Variants in LZTS1 observed in about 807,000 individuals in gnomAD.
LZTS1 encodes the protein leucine zipper tumor suppressor 1.
LZTS1 carries 31 observed loss-of-function variants against 45.8 expected under a neutral mutation model. The ratio of observed to expected loss-of-function variants is 0.68; its 90% confidence interval spans 0.51 to 0.91. The LOEUF (loss-of-function observed/expected upper bound fraction) is 0.91. LZTS1 is among the 40% of genes least tolerant of loss of function. The pLI, the probability that LZTS1 is intolerant of heterozygous loss-of-function variation, is 0.00. For synonymous variants in LZTS1, 359 were observed against 357.3 expected (o/e 1.00, Z -0.05); for missense variants, 821 against 788.9 (o/e 1.04, Z -0.49).
intron 1 of LZTS1, among the ~76,000 whole-genome samples, chr8:20,270,297 C>T (rs1800446343): frequency 6.6e-6 from 1 of 152,232 alleles, no homozygotes; most frequent in Non-Finnish European, 1.5e-5. Flanking sequence ...AGGAAGGAGG[C>T]ATAGGTGGAG....
At chr8:20,270,922 A>G (rs566584151) in intron 1 of LZTS1, among the ~76,000 whole-genome samples, 4 of 151,880 alleles carry the variant, frequency 2.6e-5, no homozygotes, top group Non-Finnish European at 5.9e-5. Flanking sequence ...ATTGGAATTG[A>G]GGAAGCCCCA....
At chr8:20,253,867 A>G (rs956683527) in intron 2 of LZTS1, among the ~76,000 whole-genome samples, 7 of 152,082 alleles carry the variant, frequency 4.6e-5, no homozygotes, top group Non-Finnish European at 1.5e-5. Flanking sequence ...GATAAATACC[A>G]TCTTGAGGCT....
intron 1 of LZTS1, among the ~76,000 whole-genome samples, chr8:20,272,348 CT>C (rs1177883649): frequency 2.0e-5 from 3 of 152,140 alleles, no homozygotes; most frequent in African/African-American, 2.4e-5. Context: ...GCCTGTCTTG[CT>C]TTTTTCCTCC....
intron 1 of LZTS1, among the ~76,000 whole-genome samples, chr8:20,257,486 G>T (rs1382591526): frequency 1.3e-5 from 2 of 152,096 alleles, no homozygotes; most frequent in Non-Finnish European, 2.9e-5. Flanking sequence ...TGGAAGGAAG[G>T]CCTCATTGAG....
At chr8:20,258,607 T>C (rs1485832370) in intron 1 of LZTS1, among the ~76,000 whole-genome samples, 1 of 152,228 alleles carries the variant, frequency 6.6e-6, no homozygotes, top group Non-Finnish European at 1.5e-5. Context: ...TGGCTTTGTA[T>C]ACTCGAGGAA....
At position 20,249,151 on chromosome 8, in the gene LZTS1, C is replaced by G. The variant is rs976781788; in HGVS notation, c.*571G>C. ...CACTGCTGGGCTGCCTGTCTCTCCC[C>G]TCCTTCCTGTGGCTTGCCGGGGCTG... is the stretch of plus-strand genomic sequence containing the variant. On this transcript the variant is annotated 3_prime_UTR_variant, in exon 4 of 4. Coordinates refer to ENST00000381569, the MANE Select transcript of LZTS1 (RefSeq NM_021020.5). 1 of 153,722 alleles carries G rather than the reference C, an allele frequency of 6.5e-6. No individual in the cohort carries two copies. Among genetic ancestry groups the G allele is most frequent in the African/African-American group, 2.4e-5 (1 of 41,462 alleles). 9.5% of individuals were successfully genotyped at this position (153,722 alleles called of 1,614,324 possible).
chr8:20,252,197 AGT>A (rs907956009), intron 3 of LZTS1, among the ~76,000 whole-genome samples: 2 of 151,992 alleles, frequency 1.3e-5, no homozygotes, highest in African/African-American at 4.8e-5. Context: ...CGGGTGAGTG[AGT>A]GTGTGTGAGT....
Position 20,281,977 on chromosome 8 carries a change from C to T in LZTS1, c.-135+21763G>A, listed in dbSNP as rs561142982. Among the ~76,000 whole-genome samples, 6 of 152,156 alleles carry T rather than the reference C, an allele frequency of 3.9e-5. 1 individual carries two copies. The South Asian group carries it at 6.2e-4, about 16-fold the overall frequency. The stretch of plus-strand genomic sequence containing the variant: ...GCTACCAGCCCCCCAGAGTATAGCC[C>T]CTGGCCACCCCCTGACCTTCAGAAA... On this transcript the variant is annotated intron_variant, in intron 1 of 3. Coordinates refer to ENST00000381569, the MANE Select transcript of LZTS1 (RefSeq NM_021020.5).
At chr8:20,290,950 C>T (rs1206023210) in intron 1 of LZTS1, among the ~76,000 whole-genome samples, 3 of 152,276 alleles carry the variant, frequency 2.0e-5, no homozygotes, top group Non-Finnish European at 2.9e-5. Flanking sequence ...GGGTCCTTCC[C>T]GAGGGAGGAC....
In LZTS1 at chr8:20,252,922, G is replaced by A; in HGVS notation, c.1009C>T (p.Gln337Ter). Residue 337 changes from glutamine (Q) to a stop codon, truncating the protein, a stop_gained, in exon 3 of 4, where the codon CAG (glutamine) becomes TAG (stop). Transcript: ENST00000381569. LOFTEE classifies it high-confidence loss of function. ...AGCTGCCGCTTCTCCTGCTGAAGCTGCAGTACCTGCAGGTGCAGGACCTGC... is the reference window on the plus strand; with the variant it reads ...AGCTGCCGCTTCTCCTGCTGAAGCTACAGTACCTGCAGGTGCAGGACCTGC... ...AQQVLHLQVL[Q>*]LQQEKRQLRQ... 6.2e-7 allele frequency: 1 copy of A among 1,608,390 alleles called. No individual in the cohort carries two copies.
intron 1 of LZTS1, among the ~76,000 whole-genome samples, chr8:20,261,764 G>A (rs1001558096): frequency 2.6e-5 from 4 of 152,248 alleles, no homozygotes; most frequent in South Asian, 4.1e-4. Flanking sequence ...CTTGGCCCAC[G>A]CCAAGTCCCG....
intron 1 of LZTS1, among the ~76,000 whole-genome samples, chr8:20,280,304 G>A (rs761862646): frequency 5.9e-5 from 9 of 152,078 alleles, no homozygotes; most frequent in African/African-American, 1.9e-4. Flanking sequence ...GGCTCTTCCC[G>A]CAGCCTGGCT....
chr8:20,260,640 T>C (rs1288090043), intron 1 of LZTS1, among the ~76,000 whole-genome samples: 1 of 152,214 alleles, frequency 6.6e-6, no homozygotes, highest in Admixed American at 6.5e-5. Context: ...CTAGCCGAGC[T>C]TCATTTCCCT....
Position 20,248,079 on chromosome 8 carries a change from G to A in LZTS1, c.*1643C>T, listed in dbSNP as rs1799783662. The A allele has an allele frequency of 6.6e-6, 1 of 151,630 alleles. No homozygotes were observed. Among genetic ancestry groups the A allele is most frequent in the Non-Finnish European group, 1.5e-5 (1 of 67,898 alleles). 9.4% of individuals were successfully genotyped at this position (151,630 alleles called of 1,614,324 possible). A position where few individuals can be genotyped will look rare whatever the true frequency, so the allele number is the denominator to read the frequency against. ...CACATCTGCAATCTCAGCACTTTGG[G>A]AGGCCAAGGCAGGTGGATTGCTTGA... On this transcript the variant is annotated 3_prime_UTR_variant, in exon 4 of 4. Transcript: ENST00000381569.
chr8:20,295,215 T>C (rs1585304850), intron 1 of LZTS1, among the ~76,000 whole-genome samples: 1 of 152,198 alleles, frequency 6.6e-6, no homozygotes. Context: ...TGCCTGGGCA[T>C]TGGGCAATGG....
At chr8:20,299,722 A>T (rs1024952971) in intron 1 of LZTS1, among the ~76,000 whole-genome samples, 1 of 151,918 alleles carries the variant, frequency 6.6e-6, no homozygotes, top group African/African-American at 2.4e-5. Context: ...GAATCACTTG[A>T]CTGCGTCGCC....
At chr8:20,288,222 G>A (rs1253641770) in intron 1 of LZTS1, among the ~76,000 whole-genome samples, 1 of 152,204 alleles carries the variant, frequency 6.6e-6, no homozygotes. Flanking sequence ...GGGGGATTCT[G>A]AAATCACCGC....
intron 1 of LZTS1, among the ~76,000 whole-genome samples, chr8:20,271,162 G>T (rs1242124487): frequency 1.3e-5 from 2 of 152,050 alleles, no homozygotes; most frequent in Non-Finnish European, 2.9e-5. Flanking sequence ...AAGCTCTCTT[G>T]GTACCCTTTG....
intron 2 of LZTS1, among the ~76,000 whole-genome samples, chr8:20,254,132 A>G (rs542998599): frequency 1.3e-5 from 2 of 152,306 alleles, no homozygotes; most frequent in African/African-American, 4.8e-5. Flanking sequence ...GCTCTATGCA[A>G]ACATAAGAGG....
Sources: gnomAD v4.1 joint callset for allele counts (sites outside exome capture counted in the v4.1 genomes callset) on GRCh38, gnomAD v4.1.1 for gene constraint, MANE v1.5 for transcripts, NCBI Gene and HGNC (gene_info 2026-07-23, HGNC 2026-07-21) for gene names.